The following PKD1 variants were observed in gnomAD, a reference collection of about 807,000 sequenced individuals.
PKD1 encodes polycystin 1, transient receptor potential channel interacting, also known as polycystin-1.
In PKD1, 81 loss-of-function variants were observed where a neutral mutation model predicts 361.7. That is an observed-to-expected ratio of 0.22 (90% CI 0.19 to 0.27). PKD1 has a LOEUF of 0.27. Ranked by LOEUF, PKD1 falls within the 10% of genes least tolerant of loss-of-function variation. The pLI is 1.00. For missense variants in PKD1, 6,399 were observed against 6,118.3 expected (o/e 1.05, Z -1.53); for synonymous variants, 3,615 against 2,818.3 (o/e 1.28, Z -8.95).
At chr16:2,126,842 G>C (rs2092805876) in intron 1 of PKD1, among the ~76,000 whole-genome samples, 1 of 152,214 alleles carries the variant, frequency 6.6e-6, no homozygotes, top group African/African-American at 2.4e-5. Context: ...ACCCCAAGGT[G>C]GGGGAGCGAG....
rs377035097 is a variant in PKD1, at chr16:2,097,708, G to A, written c.10220+20C>T. On this transcript the variant is annotated intron_variant, in intron 32 of 45. Coordinates refer to ENST00000262304, the MANE Select transcript of PKD1 (RefSeq NM_001009944.3). ...CACAGTGACCTGCACCAGGGCTCGA[G>A]GTTTCTCTAGGGAACCCACCTCTTA... The A allele has an allele frequency of 6.8e-5, 109 of 1,610,960 alleles. No individual in the cohort carries two copies. In the African/African-American group the frequency reaches 1.0e-3, roughly 15 times the overall value.
At chr16:2,105,146 A>G (rs2092293083) in intron 21 of PKD1, among the ~76,000 whole-genome samples, 176 bp downstream of exon 21, 1 of 149,632 alleles carries the variant, frequency 6.7e-6, no homozygotes, top group Non-Finnish European at 1.5e-5. Context: ...CTGCGTTCAC[A>G]CAGGACAGAA....
intron 21 of PKD1, among the ~76,000 whole-genome samples, chr16:2,105,121 C>G (rs1057379495): frequency 1.3e-5 from 2 of 149,292 alleles, no homozygotes; most frequent in African/African-American, 4.9e-5. Context: ...CACCCTGGGT[C>G]CCCCGAGAGG....
In PKD1 at chr16:2,089,000, C is replaced by A. The variant is rs2091293252; in HGVS notation, c.*727G>T. 3.9e-6 allele frequency: 1 copy of A among 254,446 alleles called. No homozygotes were observed. 15.8% of individuals were successfully genotyped at this position (254,446 alleles called of 1,614,324 possible). ...GCCTAGTCCTGCTACTTGCCCAGAC[C>A]TGATGCCAGCAGGCCTGGGCGCTGC... On this transcript the variant is annotated 3_prime_UTR_variant, in exon 46 of 46. Coordinates refer to ENST00000262304, the MANE Select transcript of PKD1 (RefSeq NM_001009944.3).
intron 1 of PKD1, 97 bp from the exon 2 acceptor site, chr16:2,119,475 T>C: frequency 2.8e-6 from 2 of 718,146 alleles, no homozygotes; most frequent in South Asian, 1.5e-5. Context: ...CCCCAAGCTA[T>C]GGCCTCCCAC....
In PKD1 at chr16:2,118,051, A is replaced by G. The variant is rs1184994207; in HGVS notation, c.941T>C (p.Val314Ala). Residue 314 changes from valine (V) to alanine (A), a missense_variant, in exon 5 of 46, where the codon GTG becomes GCG. Transcript: ENST00000262304. The surrounding 1 kb of genome is among the most constrained non-coding windows in gnomAD (Gnocchi z 6.0). ...RWDFGDGSAE[V>A]DAAGPAASHR... ...CGAGGCAGCCGGCCCAGCGGCATCC[A>G]CCTCGGCGGAGCCGTCTCCGAAGTC... 1.2e-6 allele frequency: 2 copies of G among 1,604,342 alleles called. No individual in the cohort carries two copies. The highest frequency in any genetic ancestry group is 1.7e-5 in the Admixed American group (1 of 59,938).
intron 10 of PKD1, 172 bp downstream of exon 10, chr16:2,115,206 T>G (rs1455844244): frequency 1.7e-6 from 1 of 573,338 alleles, no homozygotes; most frequent in Non-Finnish European, 2.2e-6. Context: ...CGAGAGCTTC[T>G]CCCACTGGGA....
chr16:2,118,005 C>T lies in PKD1; in HGVS notation c.987G>A (p.Gly329=). 3 of 1,588,020 alleles carry T rather than the reference C, an allele frequency of 1.9e-6. No individual in the cohort carries two copies. The South Asian group carries it at 3.3e-5, about 18-fold the overall frequency. Residue 329 remains glycine (G), a synonymous_variant, in exon 5 of 46, where the codon GGG becomes GGA. Transcript: ENST00000262304. The surrounding 1 kb of genome is among the most constrained non-coding windows in gnomAD (Gnocchi z 6.0). The part of the protein sequence containing the change: ...PAASHRYVLP[G]RYHVTAVLAL... ...CCAGCACGGCCGTCACGTGATAGCG[C>T]CCAGGCAGCACATAGCGATGCGAGG...
chr16:2,119,548 C>T (rs536582534), intron 1 of PKD1, 170 bp from the exon 2 acceptor site: 7 of 682,774 alleles, frequency 1.0e-5, no homozygotes, highest in Non-Finnish European at 1.6e-5. Context: ...CAAATGAACA[C>T]TCATCTGGGG....
At chr16:2,135,377 T>A (rs2092938491) in intron 1 of PKD1, 98 bp downstream of exon 1, 2 of 1,067,140 alleles carry the variant, frequency 1.9e-6, no homozygotes, top group Admixed American at 5.4e-5. Context: ...CCTGGGAGCG[T>A]CCTGGCCCGC....
In PKD1 at chr16:2,109,165, C is replaced by T. The variant is rs1215993938; in HGVS notation, c.6002G>A (p.Arg2001Gln). 1 of 1,600,544 alleles carries T rather than the reference C, an allele frequency of 6.2e-7. No homozygotes were observed. Residue 2001 changes from arginine (R) to glutamine (Q), a missense_variant, in exon 15 of 46, where the codon CGG becomes CAG. Transcript: ENST00000262304. ...NFTARVQRGS[R>Q]VAYAWYFSLQ... ...CGAGAAGTACCAGGCGTAGGCGACC[C>T]GAGAGCCGCGCTGCACGCGGGCTGT...
chr16:2,119,271 G>A (rs1227848065), intron 2 of PKD1, 36 bp downstream of exon 2: 8 of 1,149,480 alleles, frequency 7.0e-6, no homozygotes, highest in African/African-American at 1.5e-5. Context: ...CACCCGGAGT[G>A]AGCCCCGCAT....
chr16:2,126,275 C>G (rs1322776652), intron 1 of PKD1, among the ~76,000 whole-genome samples: 3 of 152,272 alleles, frequency 2.0e-5, no homozygotes, highest in African/African-American at 7.2e-5. Context: ...CTGCCTCAAC[C>G]AGAAGGAAGA....
At chr16:2,116,504 T>G (rs758748158) in intron 8 of PKD1, 25 bp downstream of exon 8, 7 of 1,289,778 alleles carry the variant, frequency 5.4e-6, no homozygotes. Context: ...GGAGGGCAGG[T>G]TGTAGAACGT....
At chr16:2,096,946 C>T (rs1322312597) in intron 34 of PKD1, 1 of 603,338 alleles carries the variant, frequency 1.7e-6, no homozygotes, top group Non-Finnish European at 3.0e-6. Flanking sequence ...TGCTCCCTCC[C>T]TAGAGGGAAG....
rs1309503663 is a variant in PKD1, at chr16:2,114,694, G to C, written c.2329C>G (p.Gln777Glu). ...CTCAAGCCCAGCAGCACGGTGAGCTGTTCCGTGGCTGCAAGCAGCCGCAGG... is the reference window on the plus strand; with the variant it reads ...CTCAAGCCCAGCAGCACGGTGAGCTCTTCCGTGGCTGCAAGCAGCCGCAGG... ...CALRLLAATE[Q>E]LTVLLGLRPN... The change falls in exon 11 of 46, where the codon CAG becomes GAG. Residue 777 changes from glutamine (Q) to glutamate (E), a missense_variant. Coordinates refer to ENST00000262304, the MANE Select transcript of PKD1 (RefSeq NM_001009944.3). 2.6e-6 allele frequency: 4 copies of C among 1,536,864 alleles called. No homozygotes were observed. Among genetic ancestry groups the C allele is most frequent in the Admixed American group, 3.9e-5 (2 of 51,230 alleles).
chr16:2,135,251 C>T (rs1281304312), intron 1 of PKD1: 1 of 985,306 alleles, frequency 1.0e-6, no homozygotes, highest in East Asian at 1.1e-4. Flanking sequence ...CTGCAGAGCC[C>T]CCGGGTGGGA....
intron 23 of PKD1, 84 bp downstream of exon 23, chr16:2,103,182 G>A (rs965203934): frequency 1.4e-6 from 2 of 1,428,442 alleles, no homozygotes; most frequent in East Asian, 4.9e-5. Context: ...TTTCACCAGA[G>A]ACACCCATGG....
Position 2,108,940 on chromosome 16 carries a change from G to C in PKD1, c.6227C>G (p.Ser2076Trp). 3 of 1,604,162 alleles carry C rather than the reference G, an allele frequency of 1.9e-6. No homozygotes were observed. The highest frequency in any genetic ancestry group is 2.5e-6 in the Non-Finnish European group (3 of 1,176,956). The change falls in exon 15 of 46, where the codon TCG becomes TGG. Residue 2076 changes from serine to tryptophan, a missense_variant. Physicochemically the swap from Ser to Trp is radical, Grantham distance 177. Transcript: ENST00000262304. ...GCTGGTGGCGGCCTCAAACTGCGCC[G>C]AGCGGTTGGTGAAGCAGGGGCCGCT... Reference protein sequence around the residue: ...LQSGPCFTNRSAQFEAATSPS... With the variant: ...LQSGPCFTNRWAQFEAATSPS...
Sources: gnomAD v4.1 joint callset for allele counts (sites outside exome capture counted in the v4.1 genomes callset) on GRCh38, gnomAD v4.1.1 for gene constraint, Gnocchi (gnomAD v3.1) non-coding constraint, MANE v1.5 for transcripts, NCBI Gene and HGNC (gene_info 2026-07-23, HGNC 2026-07-21) for gene names.